INTS4: variants seen among roughly 807,000 people sequenced by gnomAD.
INTS4 encodes MSTP093.
In INTS4, 70 loss-of-function variants were observed where a neutral mutation model predicts 119.5. That is an observed-to-expected ratio of 0.59 (90% CI 0.48 to 0.71). INTS4 has a LOEUF of 0.71. INTS4 is among the 30% of genes least tolerant of loss of function. The pLI is 0.00. For synonymous variants in INTS4, 316 were observed against 419.6 expected, an observed-to-expected ratio of 0.75 and a Z score of 3.02; for missense variants, 867 against 1,173.2, an observed-to-expected ratio of 0.74 and a Z score of 3.81.
intron 11 of INTS4, among the ~76,000 whole-genome samples, chr11:77,927,837 C>A (rs976253814): frequency 6.6e-6 from 1 of 152,222 alleles, no homozygotes; most frequent in African/African-American, 2.4e-5. Flanking sequence ...TCTACACTAT[C>A]ATTATAATAA....
Position 77,958,769 on chromosome 11 carries a change from G to A in INTS4, c.774C>T (p.Val258=), listed in dbSNP as rs762153928. Residue 258 remains valine, a synonymous_variant, in exon 7 of 23, where the codon GTC becomes GTT. Transcript: ENST00000534064. ...VRSAAVQLIW[V]VSQLYPESIV... ...ACCTTTCAGGATAGAGCTGACTGAC[G>A]ACCCAGATAAGCTGGACTGCAGCAC... The A allele has an allele frequency of 6.2e-6, 10 of 1,610,328 alleles. No individual in the cohort carries two copies. Among genetic ancestry groups the A allele is most frequent in the East Asian group, 4.5e-5 (2 of 44,874 alleles).
At chr11:77,883,380 A>C (rs980314503) in intron 22 of INTS4, among the ~76,000 whole-genome samples, 4 of 152,184 alleles carry the variant, frequency 2.6e-5, no homozygotes, top group African/African-American at 9.6e-5. Context: ...CAATTCAGAC[A>C]TAAGTTGGCA....
downstream of INTS4, among the ~76,000 whole-genome samples, chr11:77,878,158 CAA>C (rs1951653725): frequency 3.3e-5 from 5 of 152,144 alleles, no homozygotes; most frequent in Admixed American, 3.3e-4. Flanking sequence ...GTCAGGAGAT[CAA>C]GACCATCCTG....
intron 4 of INTS4, among the ~76,000 whole-genome samples, chr11:77,962,212 G>A (rs553159188): frequency 5.5e-4 from 84 of 152,304 alleles, no homozygotes; most frequent in African/African-American, 1.9e-3. Context: ...GAGCCTCGGA[G>A]GTGGAGGCTG....
chr11:77,878,380 T>C (rs1279555872), downstream of INTS4, among the ~76,000 whole-genome samples: 3 of 151,852 alleles, frequency 2.0e-5, no homozygotes, highest in East Asian at 5.8e-4. Flanking sequence ...AAAAAAAATT[T>C]CCTCAAAGAT....
At chr11:77,940,845 G>T (rs1953914107) in intron 9 of INTS4, among the ~76,000 whole-genome samples, 1 of 152,010 alleles carries the variant, frequency 6.6e-6, no homozygotes, top group Admixed American at 6.6e-5. Context: ...ATGTTGGCCG[G>T]GCTGGTCTCA....
At chr11:77,941,694 C>T (rs927101655) in intron 8 of INTS4, among the ~76,000 whole-genome samples, 42 of 152,006 alleles carry the variant, frequency 2.8e-4, no homozygotes, top group African/African-American at 8.9e-4. Flanking sequence ...TTAGTAGAGA[C>T]GGGGTTTCAC....
chr11:77,922,638 G>T lies in INTS4; in HGVS notation c.1515-167C>A. ...AAGTCACCCAGTTATTCTGGAACTC[G>T]GTTAATTCATCTAAAAAAACTGGTT... On this transcript the variant is annotated intron_variant, in intron 12 of 22. Transcript: ENST00000534064. 5 of 988,170 alleles carry T rather than the reference G, an allele frequency of 5.1e-6. No homozygotes were observed. The South Asian group carries it at 6.9e-5, about 14-fold the overall frequency. 61.2% of individuals were successfully genotyped at this position (988,170 alleles called of 1,614,324 possible).
At chr11:77,935,499 G>GGC (rs1953766437) in intron 10 of INTS4, among the ~76,000 whole-genome samples, 1 of 152,112 alleles carries the variant, frequency 6.6e-6, no homozygotes, top group Non-Finnish European at 1.5e-5. Flanking sequence ...ATTCTGATCT[G>GGC]TGAGACAGAG....
chr11:77,918,720 A>G (rs1953267136), intron 15 of INTS4, 101 bp downstream of exon 15: 3 of 1,506,560 alleles, frequency 2.0e-6, no homozygotes, highest in South Asian at 2.7e-5. Context: ...GTAGACCAAT[A>G]AAGTCAGAAT....
chr11:77,961,152 A>AG lies in INTS4; in HGVS notation c.472-15_472-14insC. The AG allele has an allele frequency of 6.5e-7, 1 of 1,545,070 alleles. No individual in the cohort carries two copies. The highest frequency in any genetic ancestry group is 1.4e-5 in the African/African-American group (1 of 71,326). ...ATCTGTCAGATGCTATTAAAAAAAAAAAAAAAAAGAAAAAAAGAAAAAGAA... is the reference window on the plus strand; with the variant it reads ...ATCTGTCAGATGCTATTAAAAAAAAAGAAAAAAAAGAAAAAAAGAAAAAGAA... On this transcript the variant is annotated splice_polypyrimidine_tract_variant and intron_variant, in intron 4 of 22. Coordinates refer to ENST00000534064, the MANE Select transcript of INTS4 (RefSeq NM_033547.4).
downstream of INTS4, among the ~76,000 whole-genome samples, chr11:77,876,191 G>T (rs1951589387): frequency 6.6e-6 from 1 of 152,148 alleles, no homozygotes; most frequent in South Asian, 2.1e-4. Flanking sequence ...TGCCAAACAG[G>T]TTTCTGGCTC....
chr11:77,885,824 A>AAAAG (rs780499073), intron 21 of INTS4, among the ~76,000 whole-genome samples: 1 of 151,958 alleles, frequency 6.6e-6, no homozygotes, highest in Non-Finnish European at 1.5e-5. Flanking sequence ...TGTCTCAAAA[A>AAAAG]AAAGAAAGAA....
At chr11:77,972,384 C>T (rs1855766937) in intron 4 of INTS4, among the ~76,000 whole-genome samples, 1 of 151,434 alleles carries the variant, frequency 6.6e-6, no homozygotes, top group East Asian at 1.9e-4. Flanking sequence ...CAGGCATGAG[C>T]CACCACACCC....
At chr11:77,976,453 T>A (rs1855955732) in intron 4 of INTS4, among the ~76,000 whole-genome samples, 1 of 152,174 alleles carries the variant, frequency 6.6e-6, no homozygotes, top group Non-Finnish European at 1.5e-5. Flanking sequence ...GAGGTCAAAG[T>A]TGGAGGAACA....
At chr11:77,875,547 CAG>C (rs1951571808), downstream of INTS4, among the ~76,000 whole-genome samples, 1 of 152,134 alleles carries the variant, frequency 6.6e-6, no homozygotes, top group Admixed American at 6.5e-5. Flanking sequence ...CCTTCTCCAA[CAG>C]AGAATGTGCT....
chr11:77,978,541 T>C (rs1856049027), intron 4 of INTS4: 1 of 152,522 alleles, frequency 6.6e-6, no homozygotes, highest in South Asian at 2.1e-4. Flanking sequence ...TTTACTTGTG[T>C]ATAGTTGGTC....
At chr11:77,883,729 A>AT in intron 22 of INTS4, 103 bp downstream of exon 22, 2 of 1,227,904 alleles carry the variant, frequency 1.6e-6, no homozygotes, top group Non-Finnish European at 2.3e-6. Flanking sequence ...ACAAGGCCTG[A>AT]TTCATCCATG....
chr11:77,980,439 G>A (rs1030230230), intron 3 of INTS4, among the ~76,000 whole-genome samples: 3 of 152,112 alleles, frequency 2.0e-5, no homozygotes, highest in African/African-American at 7.2e-5. Flanking sequence ...AAATGCAGTG[G>A]CATGATCATG....
Sources: allele counts gnomAD v4.1 joint callset (sites outside exome capture counted in the v4.1 genomes callset), GRCh38; gene constraint gnomAD v4.1.1; transcripts MANE v1.5; gene names NCBI Gene and HGNC (gene_info 2026-07-23, HGNC 2026-07-21).